CLSPN: variants seen among roughly 807,000 people sequenced by gnomAD.
CLSPN encodes the protein claspin homolog.
CLSPN carries 85 observed loss-of-function variants against 156.3 expected under a neutral mutation model. The ratio of observed to expected loss-of-function variants is 0.54; its 90% CI spans 0.46 to 0.65. CLSPN has a LOEUF of 0.65. Ranked by LOEUF, CLSPN falls within the 30% of genes least tolerant of loss-of-function variation. CLSPN has a pLI of 0.00. For synonymous variants in CLSPN, 534 were observed against 542.4 expected (o/e 0.98, Z 0.22); for missense variants, 1,407 against 1,554.9 (o/e 0.90, Z 1.60).
At chr1:35,769,759 T>G (rs899646900) in intron 1 of CLSPN, 88 bp downstream of exon 1, 2 of 1,315,334 alleles carry the variant, frequency 1.5e-6, no homozygotes, top group Non-Finnish European at 2.0e-6. Context: ...CCCGGGCGCC[T>G]CGGGTCAGCG....
In CLSPN at chr1:35,739,415, T is replaced by C. The variant is rs1162989439; in HGVS notation, c.3258A>G (p.Glu1086=). The C allele has an allele frequency of 6.2e-7, 1 of 1,614,040 alleles. No homozygotes were observed. The highest frequency in any genetic ancestry group is 1.3e-5 in the African/African-American group (1 of 74,938). The change falls in exon 19 of 25, where the codon GAA becomes GAG. Residue 1086 remains glutamate (E), a synonymous_variant. Coordinates refer to ENST00000318121, the MANE Select transcript of CLSPN (RefSeq NM_022111.4). ...IDEYEEDVID[E]VLPSDEELQS... ...GCAGTTCCTCATCAGAAGGAAGTAC[T>C]TCATCAATTACGTCCTCTTCATATT...
intron 9 of CLSPN, among the ~76,000 whole-genome samples, chr1:35,751,837 C>T (rs963848558): frequency 2.0e-5 from 3 of 151,994 alleles, no homozygotes; most frequent in Non-Finnish European, 4.4e-5. Context: ...AAAAGAGAAA[C>T]GACTCGAGTA....
chr1:35,735,258 G>T lies in CLSPN; in HGVS notation c.*1238C>A. 1.0e-6 allele frequency: 1 copy of T among 985,458 alleles called. No homozygotes were observed. The highest frequency in any genetic ancestry group is 1.2e-6 in the Non-Finnish European group (1 of 829,928). The allele number at this position is 985,458 out of a possible 1,614,324, so 61.0% of individuals were successfully genotyped here. On this transcript the variant is annotated 3_prime_UTR_variant, in exon 25 of 25. Coordinates refer to ENST00000318121, the MANE Select transcript of CLSPN (RefSeq NM_022111.4). ...CCCAAGCCCCAGAAAATTAGAGGCA[G>T]AGTCTTTCTGACTTGGGTACCAGTT...
intron 23 of CLSPN, 131 bp downstream of exon 23, chr1:35,737,208 G>T: frequency 1.7e-6 from 2 of 1,206,408 alleles, no homozygotes; most frequent in Non-Finnish European, 2.4e-6. Context: ...AGAAATAGCA[G>T]ACTCCTTTGA....
In CLSPN at chr1:35,769,966, C is replaced by T. The variant is rs1323245370; in HGVS notation, c.-96G>A. ...TCCCGCCGTCTCCAGCCCAGCAGTGCTGTTCTTGCTTTCCCGCCCAGCCAG... is the reference window on the plus strand; with the variant it reads ...TCCCGCCGTCTCCAGCCCAGCAGTGTTGTTCTTGCTTTCCCGCCCAGCCAG... On this transcript the variant is annotated 5_prime_UTR_variant, in exon 1 of 25. Transcript: ENST00000318121. 8.2e-6 allele frequency: 12 copies of T among 1,458,660 alleles called. No individual in the cohort carries two copies. In the Admixed American group the frequency reaches 2.2e-4, roughly 26 times the overall value. 90.4% of individuals were successfully genotyped at this position (1,458,660 alleles called of 1,614,324 possible). A position where few individuals can be genotyped will look rare whatever the true frequency, so the allele number is the denominator to read the frequency against.
chr1:35,741,943 C>A, intron 18 of CLSPN, among the ~76,000 whole-genome samples: 1 of 128,644 alleles, frequency 7.8e-6, no homozygotes. Flanking sequence ...CACTGCCCTC[C>A]AGCCTGGGCG....
downstream of CLSPN, among the ~76,000 whole-genome samples, chr1:35,728,568 T>A (rs779290197): frequency 1.3e-5 from 2 of 152,130 alleles, no homozygotes; most frequent in Non-Finnish European, 2.9e-5. Context: ...CTAACCTCCA[T>A]ATTTGCTGCA....
chr1:35,743,072 C>T, intron 18 of CLSPN, 69 bp downstream of exon 18: 1 of 1,172,870 alleles, frequency 8.5e-7, no homozygotes, highest in Non-Finnish European at 1.3e-6. Flanking sequence ...CAGGCGCAAG[C>T]CACCATGCCT....
rs776412845 is a variant in CLSPN at position 35,736,977 on chromosome 1, G to A, written c.3846C>T (p.Asn1282=). ...HNPSAPRNSR[N]FVFHTLSPVK... ...CAGGAGAAAGTGTATGAAAGACAAA[G>A]TTTCTTGAATTTCGAGGAGCACTGG... Residue 1282 remains asparagine, a synonymous_variant, in exon 24 of 25, where the codon AAC becomes AAT. Transcript: ENST00000318121. 2 of 1,614,144 alleles carry A rather than the reference G, an allele frequency of 1.2e-6. No individual in the cohort carries two copies. Among genetic ancestry groups the A allele is most frequent in the South Asian group, 1.1e-5 (1 of 91,074 alleles).
At chr1:35,764,142 C>A in intron 3 of CLSPN, 124 bp downstream of exon 3, 2 of 663,220 alleles carry the variant, frequency 3.0e-6, no homozygotes. Context: ...GAGAATAATT[C>A]TCAACACAAA....
In CLSPN at chr1:35,738,113, A is replaced by AAAAATATATAT; in HGVS notation, c.3559-17_3559-16insATATATATTTT. 2.8e-6 allele frequency: 1 copy of AAAAATATATAT among 362,626 alleles called. No homozygotes were observed. Among genetic ancestry groups the AAAAATATATAT allele is most frequent in the Non-Finnish European group, 3.7e-6 (1 of 271,580 alleles). The allele number at this position is 362,626 out of a possible 1,614,324, so 22.5% of individuals were successfully genotyped here. A position where few individuals can be genotyped will look rare whatever the true frequency, so the allele number is the denominator to read the frequency against. On this transcript the variant is annotated splice_polypyrimidine_tract_variant and intron_variant, in intron 21 of 24. Coordinates refer to ENST00000318121, the MANE Select transcript of CLSPN (RefSeq NM_022111.4). The stretch of plus-strand genomic sequence containing the variant: ...CCTGCTGTGCCTGAAAAAAAAAAAA[A>AAAAATATATAT]ATATATATATATATATATATATATA...
intron 16 of CLSPN, among the ~76,000 whole-genome samples, chr1:35,744,153 A>G (rs377548638): frequency 7.2e-5 from 11 of 152,284 alleles, no homozygotes; most frequent in Admixed American, 2.0e-4. Context: ...TTATAACCTC[A>G]GTCTCTGGCA....
intron 24 of CLSPN, 52 bp downstream of exon 24, chr1:35,736,862 A>G (rs756056174): frequency 6.4e-7 from 1 of 1,561,880 alleles, no homozygotes; most frequent in African/African-American, 1.4e-5. Context: ...ATTTAAATAA[A>G]TGAATAAATT....
At chr1:35,748,820 CTTTTTTTTTTT>C (rs201350754) in intron 12 of CLSPN, 33,481 of 293,330 alleles carry the variant, frequency 0.11, 3,112 homozygotes, top group East Asian at 0.56. Context: ...CTTGAAAGTT[CTTTTTTTTTTT>C]TTTTTTTTTT....
chr1:35,738,584 T>C lies in CLSPN; in HGVS notation c.3431-2A>G. The C allele has an allele frequency of 6.2e-7, 1 of 1,613,926 alleles. No homozygotes were observed. Among genetic ancestry groups the C allele is most frequent in the South Asian group, 1.1e-5 (1 of 91,076 alleles). On this transcript the variant is annotated splice_acceptor_variant, in intron 20 of 24. Coordinates refer to ENST00000318121, the MANE Select transcript of CLSPN (RefSeq NM_022111.4). LOFTEE classifies it high-confidence loss of function. ...ACAAGTCCATCTGGGAAGCATCATC[T>C]AAACAAAGAGTGAAGGTAATCAGCA... is the stretch of plus-strand genomic sequence containing the variant.
intron 2 of CLSPN, 59 bp downstream of exon 2, chr1:35,765,159 T>C (rs1005689637): frequency 1.5e-5 from 14 of 947,200 alleles, no homozygotes; most frequent in Admixed American, 1.2e-4. Context: ...ATCAATCCAA[T>C]CTACTTACAA....
In CLSPN at chr1:35,735,908, G is replaced by A. The variant is rs924165610; in HGVS notation, c.*588C>T. 2.6e-5 allele frequency: 26 copies of A among 985,088 alleles called. No homozygotes were observed. The highest frequency in any genetic ancestry group is 4.7e-5 in the South Asian group (1 of 21,278). The allele number at this position is 985,088 out of a possible 1,614,324, so 61.0% of individuals were successfully genotyped here. A position where few individuals can be genotyped will look rare whatever the true frequency, so the allele number is the denominator to read the frequency against. ...AAGCTGCTACAATAAAATGTCAAAT[G>A]TCTAATGGAGGAAGTGAAACCTAAC... On this transcript the variant is annotated 3_prime_UTR_variant, in exon 25 of 25. Transcript: ENST00000318121.
chr1:35,755,906 T>C (rs1397234520), intron 8 of CLSPN, among the ~76,000 whole-genome samples: 3 of 152,146 alleles, frequency 2.0e-5, no homozygotes, highest in East Asian at 1.9e-4. Flanking sequence ...GAACTCGCTA[T>C]GTTGCCCAAG....
intron 24 of CLSPN, among the ~76,000 whole-genome samples, chr1:35,721,266 G>A (rs1285892324): frequency 6.6e-6 from 1 of 152,160 alleles, no homozygotes; most frequent in African/African-American, 2.4e-5. Flanking sequence ...GATCAGTCCA[G>A]TCTACACTGA....
Sources: gnomAD v4.1 joint callset for allele counts (sites outside exome capture counted in the v4.1 genomes callset) on GRCh38, gnomAD v4.1.1 for gene constraint, MANE v1.5 for transcripts, NCBI Gene and HGNC (gene_info 2026-07-23, HGNC 2026-07-21) for gene names.